Variants in SHISA9 observed in about 807,000 individuals in gnomAD.
SHISA9 encodes protein shisa-9.
Under a neutral mutation model 38.0 loss-of-function variants are expected in SHISA9, and 13 were observed. The ratio of observed to expected loss-of-function variants is 0.34; its 90% CI spans 0.22 to 0.54. The LOEUF (loss-of-function observed/expected upper bound fraction) is 0.54. Ranked by LOEUF, SHISA9 falls within the 20% of genes least tolerant of loss-of-function variation. SHISA9 has a pLI of 0.91. For missense variants in SHISA9, 538 were observed against 575.8 expected (o/e 0.93, Z 0.67); for synonymous variants, 275 against 242.0 (o/e 1.14, Z -1.27).
chr16:13,502,267 A>G, the SHISA9 span, among the ~76,000 whole-genome samples: 3 of 152,166 alleles, frequency 2.0e-5, no homozygotes, highest in African/African-American at 7.2e-5. Context: ...CACCCATGAT[A>G]TCTGCATTTT....
the SHISA9 span, among the ~76,000 whole-genome samples, chr16:13,524,505 G>C: frequency 6.6e-6 from 1 of 152,194 alleles, no homozygotes; most frequent in Admixed American, 6.5e-5. Context: ...ATCAAGACAA[G>C]ATTAATTAGT....
chr16:13,394,662 T>C, the SHISA9 span, among the ~76,000 whole-genome samples: 4 of 152,230 alleles, frequency 2.6e-5, no homozygotes, highest in Admixed American at 6.5e-5. Flanking sequence ...GAAACACTAA[T>C]GGCCCTGCAA....
At chr16:12,967,972 C>G (rs558248148) in intron 2 of SHISA9, among the ~76,000 whole-genome samples, 197 of 152,072 alleles carry the variant, frequency 1.3e-3, no homozygotes, top group African/African-American at 4.5e-3. Flanking sequence ...GGTAGATCAC[C>G]TTAGGTCAGG....
At chr16:13,079,445 C>G (rs1204637352) in intron 2 of SHISA9, among the ~76,000 whole-genome samples, 1 of 152,096 alleles carries the variant, frequency 6.6e-6, no homozygotes, top group African/African-American at 2.4e-5. Context: ...GAAAGAAGCA[C>G]AGAGAAAAAG....
the SHISA9 span, among the ~76,000 whole-genome samples, chr16:13,262,658 A>AGGAAGGGAGGG: frequency 5.8e-5 from 3 of 51,840 alleles, no homozygotes; most frequent in African/African-American, 9.6e-5. Context: ...GGAAGGAAGG[A>AGGAAGGGAGGG]AGGAAGGAAG....
the SHISA9 span, among the ~76,000 whole-genome samples, chr16:13,257,586 G>A: frequency 5.0e-3 from 763 of 152,200 alleles, 7 homozygotes; most frequent in African/African-American, 0.018. Context: ...TGTAAAGTAC[G>A]GGAATGTTGG....
At chr16:13,118,718 CTT>C (rs1179347422) in intron 2 of SHISA9, among the ~76,000 whole-genome samples, 1 of 133,016 alleles carries the variant, frequency 7.5e-6, no homozygotes, top group Non-Finnish European at 1.6e-5. Context: ...TTCTTTCTTT[CTT>C]TTCTTTTTTC....
intron 2 of SHISA9, among the ~76,000 whole-genome samples, chr16:12,960,921 C>T (rs1008214404): frequency 2.0e-5 from 3 of 152,070 alleles, no homozygotes; most frequent in African/African-American, 4.8e-5. Context: ...AAAGTGAACA[C>T]GTTTCCTGCT....
At chr16:13,110,965 C>T (rs1252232214) in intron 2 of SHISA9, among the ~76,000 whole-genome samples, 1 of 152,122 alleles carries the variant, frequency 6.6e-6, no homozygotes, top group Non-Finnish European at 1.5e-5. Context: ...CTCAGACATA[C>T]AAGAGATGTG....
chr16:13,440,598 C>A, the SHISA9 span, among the ~76,000 whole-genome samples: 3 of 152,162 alleles, frequency 2.0e-5, no homozygotes, highest in Admixed American at 2.0e-4. Flanking sequence ...AATGTCTTTT[C>A]TATTAGCCTA....
At chr16:13,413,789 A>C in the SHISA9 span, among the ~76,000 whole-genome samples, 1 of 143,360 alleles carries the variant, frequency 7.0e-6, no homozygotes, top group Admixed American at 7.0e-5. Flanking sequence ...AAAAAAAGAC[A>C]TGTTGTTGTT....
At position 13,193,741 on chromosome 16, in the gene SHISA9, C is replaced by T. The variant is rs532871987; in HGVS notation, c.692-9653C>T. Among the ~76,000 whole-genome samples the T allele has an allele frequency of 1.5e-4, 23 of 152,310 alleles. No homozygotes were observed. In the East Asian group the frequency reaches 4.4e-3, roughly 29 times the overall value. On this transcript the variant is annotated intron_variant, in intron 2 of 4. Coordinates refer to ENST00000558583, the MANE Select transcript of SHISA9 (RefSeq NM_001145204.3). The stretch of plus-strand genomic sequence containing the variant: ...GGAGGGAGAATGAAGTGGAAGGAAA[C>T]CCAGTCCACACAACTGTGTAGGGCC...
At chr16:12,986,599 C>G (rs2072312981) in intron 2 of SHISA9, among the ~76,000 whole-genome samples, 1 of 152,078 alleles carries the variant, frequency 6.6e-6, no homozygotes, top group Non-Finnish European at 1.5e-5. Context: ...ATGGCTGAAT[C>G]CCACGGGGAA....
chr16:13,029,548 C>A (rs1286373501), intron 2 of SHISA9, among the ~76,000 whole-genome samples: 1 of 152,202 alleles, frequency 6.6e-6, no homozygotes, highest in Non-Finnish European at 1.5e-5. Context: ...GTCAAAGCTG[C>A]AGTGAGCCGA....
intron 2 of SHISA9, among the ~76,000 whole-genome samples, chr16:12,976,210 C>A (rs1289774051): frequency 1.3e-5 from 2 of 152,118 alleles, no homozygotes; most frequent in Non-Finnish European, 2.9e-5. Context: ...GCCTCAGCCT[C>A]CCGACTAGCT....
chr16:13,049,486 T>C lies in SHISA9; in HGVS notation c.691+132671T>C, dbSNP rs370069678. Among the ~76,000 whole-genome samples, 66 of 152,280 alleles carry C rather than the reference T, an allele frequency of 4.3e-4. 1 individual carries two copies. The South Asian group carries it at 0.013, about 29-fold the overall frequency. ...AATGACCTAGCTTGGCTTTGCTCTTTACACCCAAGGGAGGAAAATGTGTCC... is the reference window on the plus strand; with the variant it reads ...AATGACCTAGCTTGGCTTTGCTCTTCACACCCAAGGGAGGAAAATGTGTCC... On this transcript the variant is annotated intron_variant, in intron 2 of 4. Coordinates refer to ENST00000558583, the MANE Select transcript of SHISA9 (RefSeq NM_001145204.3).
downstream of SHISA9, among the ~76,000 whole-genome samples, chr16:13,241,437 C>T (rs1184520772): frequency 2.7e-5 from 4 of 149,702 alleles, no homozygotes; most frequent in East Asian, 2.0e-4. Context: ...ACTTGGGAGG[C>T]GGAGGTTGCG....
rs1035121352 is a variant in SHISA9 at position 13,008,561 on chromosome 16, C to T, written c.691+91746C>T. Among the ~76,000 whole-genome samples the T allele has an allele frequency of 2.5e-4, 38 of 151,924 alleles. 1 individual carries two copies. The highest frequency in any genetic ancestry group is 7.2e-4 in the Admixed American group (11 of 15,236). On this transcript the variant is annotated intron_variant, in intron 2 of 4. Coordinates refer to ENST00000558583, the MANE Select transcript of SHISA9 (RefSeq NM_001145204.3). ...CCTCATGATAGTGAGTGTGTTCTCA[C>T]GAGATCTGGTTGTTTGATAAGGGTC... is the stretch of plus-strand genomic sequence containing the variant.
the SHISA9 span, among the ~76,000 whole-genome samples, chr16:13,321,254 G>A: frequency 6.6e-6 from 1 of 152,206 alleles, no homozygotes; most frequent in Non-Finnish European, 1.5e-5. Context: ...GTATCTGTGA[G>A]GTCAGAGATC....
Sources: allele counts gnomAD v4.1 joint callset (sites outside exome capture counted in the v4.1 genomes callset), GRCh38; gene constraint gnomAD v4.1.1; transcripts MANE v1.5; gene names NCBI Gene and HGNC (gene_info 2026-07-23, HGNC 2026-07-21).